Variants in SH3RF3 observed in about 807,000 individuals in gnomAD.
SH3RF3 encodes the protein SH3 domain containing ring finger 3.
SH3RF3 carries 29 observed loss-of-function variants against 66.3 expected under a neutral mutation model. The ratio of observed to expected loss-of-function variants is 0.44; its 90% confidence interval spans 0.33 to 0.60. SH3RF3 has a LOEUF of 0.60. Ranked by LOEUF, SH3RF3 falls within the 20% of genes least tolerant of loss-of-function variation. The pLI is 0.04. For synonymous variants in SH3RF3, 583 were observed against 532.0 expected (o/e 1.10, Z -1.32); for missense variants, 1,194 against 1,190.9 (o/e 1.00, Z -0.04).
At chr2:109,231,027 C>T (rs1020244982) in intron 1 of SH3RF3, among the ~76,000 whole-genome samples, 1 of 152,192 alleles carries the variant, frequency 6.6e-6, no homozygotes, top group Non-Finnish European at 1.5e-5. Flanking sequence ...TGTCACAGTT[C>T]CTGAATGTCA....
At chr2:109,435,677 G>C (rs1289137389) in intron 6 of SH3RF3, among the ~76,000 whole-genome samples, 1 of 152,268 alleles carries the variant, frequency 6.6e-6, no homozygotes, top group Non-Finnish European at 1.5e-5. Context: ...GCTGTCATGA[G>C]AGGCAGATGT....
At chr2:109,455,821 C>T (rs752132576) in intron 8 of SH3RF3, among the ~76,000 whole-genome samples, 5 of 152,210 alleles carry the variant, frequency 3.3e-5, no homozygotes, top group African/African-American at 4.8e-5. Context: ...CATTCACTTC[C>T]GAAGTGACAG....
At chr2:109,397,659 T>C (rs1676186074) in intron 3 of SH3RF3, among the ~76,000 whole-genome samples, 1 of 152,170 alleles carries the variant, frequency 6.6e-6, no homozygotes, top group Non-Finnish European at 1.5e-5. Flanking sequence ...CAGGGAGCCT[T>C]TTCTCACAGC....
chr2:109,271,247 C>T (rs949209099), intron 1 of SH3RF3, among the ~76,000 whole-genome samples: 30 of 152,114 alleles, frequency 2.0e-4, no homozygotes, highest in African/African-American at 6.8e-4. Context: ...ATGAATTGCT[C>T]CAGAAAAGCC....
chr2:109,385,224 C>A (rs1362130743), intron 3 of SH3RF3, among the ~76,000 whole-genome samples: 3 of 152,232 alleles, frequency 2.0e-5, no homozygotes, highest in African/African-American at 7.2e-5. Context: ...ACCTTACCCA[C>A]CTCCAAGGGT....
At chr2:109,410,409 C>T (rs896919732) in intron 4 of SH3RF3, among the ~76,000 whole-genome samples, 7 of 152,214 alleles carry the variant, frequency 4.6e-5, no homozygotes, top group African/African-American at 1.7e-4. Context: ...GACCTCGGTG[C>T]GGAGGGCCCC....
chr2:109,133,179 C>T (rs1252420398), intron 1 of SH3RF3, among the ~76,000 whole-genome samples: 2 of 152,142 alleles, frequency 1.3e-5, no homozygotes, highest in Admixed American at 1.3e-4. Flanking sequence ...GTGAGGGTTA[C>T]AAGGAAGGAC....
At chr2:109,171,458 C>A (rs1270266030) in intron 1 of SH3RF3, among the ~76,000 whole-genome samples, 2 of 152,256 alleles carry the variant, frequency 1.3e-5, no homozygotes, top group Non-Finnish European at 2.9e-5. Flanking sequence ...GCTTCCCCTC[C>A]TGCTCCACGC....
At chr2:109,440,339 A>G (rs1677527221) in intron 7 of SH3RF3, among the ~76,000 whole-genome samples, 1 of 152,238 alleles carries the variant, frequency 6.6e-6, no homozygotes, top group Admixed American at 6.5e-5. Context: ...TGGACGCTGG[A>G]ATACGGATAG....
intron 1 of SH3RF3, among the ~76,000 whole-genome samples, chr2:109,340,826 C>T (rs1482513297): frequency 6.6e-6 from 1 of 152,130 alleles, no homozygotes; most frequent in Non-Finnish European, 1.5e-5. Context: ...CATTCTAAGG[C>T]CACCACAGAT....
intron 7 of SH3RF3, among the ~76,000 whole-genome samples, chr2:109,445,426 A>G (rs1677677340): frequency 1.3e-5 from 2 of 152,220 alleles, no homozygotes; most frequent in Non-Finnish European, 2.9e-5. Context: ...ATACTACAAA[A>G]CCTGCCAGAG....
intron 2 of SH3RF3, among the ~76,000 whole-genome samples, chr2:109,348,388 G>A (rs1574589312): frequency 6.6e-6 from 1 of 152,188 alleles, no homozygotes; most frequent in African/African-American, 2.4e-5. Context: ...ATGATAGCTG[G>A]GGTCTCACAT....
At chr2:109,141,345 G>C (rs1676943872) in intron 1 of SH3RF3, 1 of 152,534 alleles carries the variant, frequency 6.6e-6, no homozygotes. Context: ...TCTCGTCTCT[G>C]CCTGGGTCCC....
intron 1 of SH3RF3, among the ~76,000 whole-genome samples, chr2:109,345,643 A>G (rs546275640): frequency 2.1e-4 from 32 of 152,362 alleles, no homozygotes; most frequent in African/African-American, 7.2e-4. Flanking sequence ...CTTGATGGAT[A>G]TCTAAGTGTC....
chr2:109,180,963 C>G (rs891994762), intron 1 of SH3RF3, among the ~76,000 whole-genome samples: 3 of 152,192 alleles, frequency 2.0e-5, no homozygotes, highest in African/African-American at 7.2e-5. Context: ...TATGTTTACC[C>G]TGATGCAAGC....
At chr2:109,457,918 A>AT (rs1226186730) in intron 8 of SH3RF3, among the ~76,000 whole-genome samples, 1 of 152,208 alleles carries the variant, frequency 6.6e-6, no homozygotes, top group Non-Finnish European at 1.5e-5. Flanking sequence ...ATCTCTGAAC[A>AT]TTCCACAGCA....
intron 9 of SH3RF3, among the ~76,000 whole-genome samples, chr2:109,492,756 T>C (rs1679162632): frequency 6.6e-6 from 1 of 152,086 alleles, no homozygotes; most frequent in African/African-American, 2.4e-5. Flanking sequence ...GCTACCTCTC[T>C]GTAGGGTGCG....
chr2:109,201,404 ATCTC>A, intron 1 of SH3RF3, among the ~76,000 whole-genome samples: 1 of 151,910 alleles, frequency 6.6e-6, no homozygotes, highest in Non-Finnish European at 1.5e-5. Context: ...TGTTTCCCGG[ATCTC>A]TCTGTCTCCA....
At chr2:109,426,206 G>A (rs1677025403) in intron 5 of SH3RF3, among the ~76,000 whole-genome samples, 1 of 152,212 alleles carries the variant, frequency 6.6e-6, no homozygotes, top group Admixed American at 6.5e-5. Flanking sequence ...ACTGCGCCCG[G>A]CCAAGCAGTA....
Sources: allele counts gnomAD v4.1 joint callset (sites outside exome capture counted in the v4.1 genomes callset), GRCh38; gene constraint gnomAD v4.1.1; transcripts MANE v1.5; gene names NCBI Gene and HGNC (gene_info 2026-07-23, HGNC 2026-07-21).